The following NRG3 variants were observed in gnomAD, a reference collection of about 807,000 sequenced individuals.
NRG3 encodes pro-neuregulin-3, membrane-bound isoform.
Under a neutral mutation model 66.9 loss-of-function variants are expected in NRG3, and 31 were observed. The ratio of observed to expected loss-of-function variants is 0.46; its 90% CI spans 0.35 to 0.63. The LOEUF (loss-of-function observed/expected upper bound fraction) is 0.63. Ranked by LOEUF, NRG3 falls within the 20% of genes least tolerant of loss-of-function variation. The probability of loss-of-function intolerance (pLI) is 0.00; values close to 1 mark genes in which losing one functional copy is unlikely to be tolerated. For missense variants in NRG3, 910 were observed against 878.9 expected (o/e 1.04, Z -0.45); for synonymous variants, 393 against 359.4 (o/e 1.09, Z -1.06).
chr10:82,029,075 C>T (rs919808028), intron 1 of NRG3, among the ~76,000 whole-genome samples: 2 of 151,760 alleles, frequency 1.3e-5, no homozygotes, highest in African/African-American at 4.8e-5. Context: ...CAGGCATGGT[C>T]GTGGGCGCTT....
chr10:82,167,170 T>G (rs1253996097), intron 1 of NRG3, among the ~76,000 whole-genome samples: 1 of 152,098 alleles, frequency 6.6e-6, no homozygotes, highest in Admixed American at 6.6e-5. Context: ...TTTTTCTGCT[T>G]TTTTTGCATG....
At chr10:82,872,733 AAAAAAAAAAAGAAAGCAATTGAAT>A (rs1841453760) in intron 4 of NRG3, among the ~76,000 whole-genome samples, 1 of 98,734 alleles carries the variant, frequency 1.0e-5, no homozygotes, top group Non-Finnish European at 2.4e-5. Flanking sequence ...ATACGATATG[AAAAAAAAAAAGAAAGCAATTGAAT>A]GGGCTTGGAA....
intron 4 of NRG3, among the ~76,000 whole-genome samples, chr10:82,918,283 G>T (rs1434295544): frequency 3.3e-5 from 5 of 151,968 alleles, no homozygotes; most frequent in African/African-American, 9.7e-5. Flanking sequence ...TGTGGAGAGA[G>T]AAAAGACTGC....
intron 2 of NRG3, among the ~76,000 whole-genome samples, chr10:82,399,872 A>G (rs1018185883): frequency 6.6e-6 from 1 of 152,128 alleles, no homozygotes; most frequent in African/African-American, 2.4e-5. Context: ...TGTTTCCTTT[A>G]TTTAATTTAG....
chr10:82,326,702 C>G (rs949056857), intron 1 of NRG3, among the ~76,000 whole-genome samples: 1 of 152,106 alleles, frequency 6.6e-6, no homozygotes, highest in African/African-American at 2.4e-5. Flanking sequence ...TTATTTCAGA[C>G]TATATAGTTT....
At chr10:82,061,950 A>G (rs1356588413) in intron 1 of NRG3, among the ~76,000 whole-genome samples, 1 of 152,084 alleles carries the variant, frequency 6.6e-6, no homozygotes, top group African/African-American at 2.4e-5. Flanking sequence ...TTTAAAAGCA[A>G]TTATATATAG....
chr10:82,350,194 C>A (rs1435012002), intron 1 of NRG3, among the ~76,000 whole-genome samples: 1 of 152,300 alleles, frequency 6.6e-6, no homozygotes, highest in South Asian at 2.1e-4. Flanking sequence ...TTTCATCATT[C>A]ATTTCCAAAA....
intron 2 of NRG3, among the ~76,000 whole-genome samples, chr10:82,675,276 G>A (rs2053601189): frequency 1.3e-5 from 2 of 152,042 alleles, no homozygotes; most frequent in African/African-American, 4.8e-5. Context: ...TTCAAAGATT[G>A]TTTGGGGGAA....
chr10:82,516,412 G>A lies in NRG3; in HGVS notation c.953+157544G>A, dbSNP rs533461474. ...CATGACCAGACTTTGATGGTTGGTG[G>A]AGTAATAAGGGGAGTCCAATCAACC... On this transcript the variant is annotated intron_variant, in intron 2 of 8. Coordinates refer to ENST00000372141, the MANE Select transcript of NRG3 (RefSeq NM_001010848.4). 2.0e-5 allele frequency among the ~76,000 whole-genome samples: 3 copies of A among 152,226 alleles called. No individual in the cohort carries two copies. The South Asian group carries it at 6.2e-4, about 31-fold the overall frequency.
At chr10:82,383,861 C>G (rs1487417653) in intron 2 of NRG3, among the ~76,000 whole-genome samples, 1 of 151,782 alleles carries the variant, frequency 6.6e-6, no homozygotes, top group African/African-American at 2.4e-5. Context: ...TTCACAGATA[C>G]AAAATTCAAA....
chr10:81,933,776 TA>T (rs1463838647), intron 1 of NRG3, among the ~76,000 whole-genome samples: 3 of 152,214 alleles, frequency 2.0e-5, no homozygotes, highest in Admixed American at 6.5e-5. Flanking sequence ...TCATTCAGTA[TA>T]TTTTTTATAG....
intron 2 of NRG3, among the ~76,000 whole-genome samples, chr10:82,546,470 C>G (rs1483821897): frequency 6.6e-6 from 1 of 152,070 alleles, no homozygotes; most frequent in African/African-American, 2.4e-5. Flanking sequence ...CTTTACTTCT[C>G]CAACCATTGC....
At chr10:82,217,011 T>C (rs1206709038) in intron 1 of NRG3, among the ~76,000 whole-genome samples, 1 of 152,186 alleles carries the variant, frequency 6.6e-6, no homozygotes, top group Non-Finnish European at 1.5e-5. Flanking sequence ...ATCCTGTTGC[T>C]CACTTGGAAT....
At chr10:82,941,952 G>T (rs1848610908) in intron 4 of NRG3, among the ~76,000 whole-genome samples, 1 of 151,686 alleles carries the variant, frequency 6.6e-6, no homozygotes, top group South Asian at 2.1e-4. Context: ...TGAGTATGCG[G>T]GTTTCCAGGT....
chr10:82,293,332 G>GA (rs145110401), intron 1 of NRG3, among the ~76,000 whole-genome samples: 30,051 of 150,840 alleles, frequency 0.2, 7,183 homozygotes, highest in African/African-American at 0.57. Flanking sequence ...GCATTGTTCA[G>GA]AAAAAAAAAT....
chr10:82,405,630 G>A (rs1055859719), intron 2 of NRG3, among the ~76,000 whole-genome samples: 1 of 151,752 alleles, frequency 6.6e-6, no homozygotes, highest in African/African-American at 2.4e-5. Context: ...ACCCCACCTG[G>A]CTAATTTTTG....
intron 2 of NRG3, among the ~76,000 whole-genome samples, chr10:82,446,732 C>T (rs1287443738): frequency 6.6e-6 from 1 of 152,104 alleles, no homozygotes; most frequent in African/African-American, 2.4e-5. Flanking sequence ...AGTAAACCAC[C>T]ATGGTACACA....
At chr10:82,534,269 T>G (rs957372484) in intron 2 of NRG3, among the ~76,000 whole-genome samples, 1 of 150,096 alleles carries the variant, frequency 6.7e-6, no homozygotes, top group African/African-American at 2.4e-5. Context: ...TCCATTTTGT[T>G]TTTTTTTTTT....
chr10:82,457,717 T>C (rs1314439866), intron 2 of NRG3, among the ~76,000 whole-genome samples: 1 of 152,174 alleles, frequency 6.6e-6, no homozygotes, highest in Non-Finnish European at 1.5e-5. Context: ...CAGCACACAC[T>C]GGGAGCACAG....
Sources: gnomAD v4.1 joint callset for allele counts (sites outside exome capture counted in the v4.1 genomes callset) on GRCh38, gnomAD v4.1.1 for gene constraint, MANE v1.5 for transcripts, NCBI Gene and HGNC (gene_info 2026-07-23, HGNC 2026-07-21) for gene names.